The following POLA1 variants were observed in gnomAD, a reference collection of about 807,000 sequenced individuals.
The protein encoded by POLA1 is DNA polymerase alpha catalytic subunit.
In POLA1, 15 loss-of-function variants were observed where a neutral mutation model predicts 124.0. That is an observed-to-expected ratio of 0.12 (90% CI 0.08 to 0.19). The LOEUF (loss-of-function observed/expected upper bound fraction) is 0.19. POLA1 is among the 10% of genes least tolerant of loss of function. The pLI, the probability that POLA1 is intolerant of heterozygous loss-of-function variation, is 1.00. For missense variants in POLA1, 886 were observed against 1,103.4 expected (o/e 0.80, Z 2.79); for synonymous variants, 408 against 389.4 (o/e 1.05, Z -0.56).
intron 36 of POLA1, among the ~76,000 whole-genome samples, chrX:24,975,571 G>A (rs887681728): frequency 7.1e-5 from 8 of 112,060 alleles, no homozygotes; most frequent in African/African-American, 2.6e-4. Flanking sequence ...CATTCAATCT[G>A]TGGTAACATC....
intron 6 of POLA1, 89 bp downstream of exon 6, chrX:24,715,292 A>C: frequency 6.4e-6 from 4 of 627,717 alleles, no homozygotes; most frequent in East Asian, 3.4e-5. Flanking sequence ...CTATTGCCAG[A>C]ATTTTTTCTT....
intron 36 of POLA1, among the ~76,000 whole-genome samples, chrX:24,982,056 C>A (rs1425815701): frequency 1.8e-5 from 2 of 108,194 alleles, no homozygotes. Flanking sequence ...GTGGGTTCCC[C>A]CTTCTCAGGT....
In POLA1 at chrX:24,858,417, C is replaced by T. The variant is rs6628038; in HGVS notation, c.4047+14740C>T. Among the ~76,000 whole-genome samples the T allele has an allele frequency of 1.4e-4, 16 of 111,806 alleles. No individual in the cohort carries two copies. The East Asian group carries it at 2.0e-3, about 14-fold the overall frequency. On this transcript the variant is annotated intron_variant, in intron 34 of 36. Coordinates refer to ENST00000379068, the MANE Select transcript of POLA1 (RefSeq NM_001330360.2). ...CCAAGCTTTTAAAGTAGTTTTGAGA[C>T]CTTCAGTTCTGTCACTACCCTCTCG...
intron 24 of POLA1, among the ~76,000 whole-genome samples, chrX:24,746,929 C>T: frequency 9.0e-6 from 1 of 111,651 alleles, no homozygotes; most frequent in South Asian, 3.8e-4. Flanking sequence ...TTCTTTGTAG[C>T]TGTTAATAGA....
chrX:24,959,998 T>C, intron 36 of POLA1, among the ~76,000 whole-genome samples: 1 of 111,495 alleles, frequency 9.0e-6, no homozygotes, highest in South Asian at 3.8e-4. Context: ...TAAAAATTCT[T>C]TGAAGTCTTT....
rs549533540 is a variant in POLA1, at chrX:24,950,731, C to G, written c.4261+20182C>G. On this transcript the variant is annotated intron_variant, in intron 36 of 36. Transcript: ENST00000379068. ...ATATTATCTCCCAAGATTCCTAGTT[C>G]AGATAAAGGGCATAATTAGAGGTGT... Among the ~76,000 whole-genome samples, 12 of 111,967 alleles carry G rather than the reference C, an allele frequency of 1.1e-4. No homozygotes were observed. The South Asian group carries it at 4.2e-3, about 39-fold the overall frequency.
chrX:24,920,013 AT>A (rs201589928), intron 35 of POLA1, among the ~76,000 whole-genome samples: 2,715 of 106,499 alleles, frequency 0.025, 91 homozygotes, highest in African/African-American at 0.087. Flanking sequence ...CACCCGGCTA[AT>A]TTTTGTATTT....
chrX:24,892,948 T>C (rs1321658619), intron 35 of POLA1, among the ~76,000 whole-genome samples: 3 of 112,203 alleles, frequency 2.7e-5, no homozygotes, highest in African/African-American at 9.7e-5. Flanking sequence ...TAAAGTCTAT[T>C]ATAACAGAAC....
chrX:24,916,013 G>T (rs7049580), intron 35 of POLA1, among the ~76,000 whole-genome samples: 6,381 of 111,927 alleles, frequency 0.057, 428 homozygotes, highest in African/African-American at 0.2. Flanking sequence ...AGTCATAGAA[G>T]ATTACAGAAC....
chrX:24,935,104 G>A (rs1046695727), intron 36 of POLA1, among the ~76,000 whole-genome samples: 4 of 111,420 alleles, frequency 3.6e-5, no homozygotes, highest in Admixed American at 9.5e-5. Context: ...ACTGACACTG[G>A]TCATATTGGA....
intron 26 of POLA1, among the ~76,000 whole-genome samples, chrX:24,750,252 G>C (rs1354700858): frequency 2.7e-5 from 3 of 111,907 alleles, no homozygotes; most frequent in African/African-American, 9.8e-5. Flanking sequence ...GCTGACCTCT[G>C]CTTTAGAGTT....
At chrX:24,875,466 A>T (rs944432194) in intron 34 of POLA1, among the ~76,000 whole-genome samples, 2 of 111,962 alleles carry the variant, frequency 1.8e-5, no homozygotes, top group Non-Finnish European at 3.8e-5. Flanking sequence ...CAGAAAATAA[A>T]ATATATTTTC....
intron 35 of POLA1, among the ~76,000 whole-genome samples, chrX:24,893,836 T>C (rs775261960): frequency 8.9e-6 from 1 of 112,116 alleles, no homozygotes; most frequent in Admixed American, 9.5e-5. Flanking sequence ...TTTTAAAGTT[T>C]ATTTTTAATT....
intron 34 of POLA1, among the ~76,000 whole-genome samples, chrX:24,866,242 A>T (rs1199818737): frequency 8.9e-6 from 1 of 112,002 alleles, no homozygotes; most frequent in African/African-American, 3.2e-5. Context: ...AGCATAGATT[A>T]TCTCTGCCAA....
At chrX:24,923,826 CA>C (rs780839241) in intron 35 of POLA1, among the ~76,000 whole-genome samples, 28 of 111,466 alleles carry the variant, frequency 2.5e-4, no homozygotes, top group Non-Finnish European at 4.3e-4. Context: ...TGTTGTTCCA[CA>C]TTTGCAAAAT....
intron 12 of POLA1, 104 bp downstream of exon 12, chrX:24,724,555 A>G: frequency 2.2e-6 from 1 of 448,365 alleles, no homozygotes. Context: ...CCTTCTGTGC[A>G]GCTATAATTT....
At chrX:24,985,881 G>T (rs1447509652) in intron 36 of POLA1, among the ~76,000 whole-genome samples, 4 of 112,108 alleles carry the variant, frequency 3.6e-5, no homozygotes, top group East Asian at 2.8e-4. Flanking sequence ...CTAAGAAAGG[G>T]TTCCTTCCAG....
intron 36 of POLA1, among the ~76,000 whole-genome samples, chrX:24,934,880 G>A (rs2047829330): frequency 1.8e-5 from 2 of 111,589 alleles, no homozygotes; most frequent in African/African-American, 6.5e-5. Flanking sequence ...ACGTCACCAC[G>A]CCCAGCTAAT....
chrX:24,734,390 ATGT>A (rs761627155), intron 17 of POLA1: 1 of 111,886 alleles, frequency 8.9e-6, no homozygotes, highest in Non-Finnish European at 1.9e-5. Context: ...TATGGATTGT[ATGT>A]TGTTTCTTTT....
Sources: gnomAD v4.1 joint callset for allele counts (sites outside exome capture counted in the v4.1 genomes callset) on GRCh38, gnomAD v4.1.1 for gene constraint, MANE v1.5 for transcripts, NCBI Gene and HGNC (gene_info 2026-07-23, HGNC 2026-07-21) for gene names.